Variants in SEPTIN11 observed in about 807,000 individuals in gnomAD.
The protein encoded by SEPTIN11 is septin-11.
A neutral mutation model predicts 51.4 loss-of-function variants in SEPTIN11; 25 were observed. That is an observed-to-expected ratio of 0.49 (90% confidence interval 0.35 to 0.68). The LOEUF is 0.68. Among genes scored for constraint, SEPTIN11 ranks in the 30% least tolerant of loss-of-function variants. SEPTIN11 has a pLI of 0.00. For missense variants in SEPTIN11, 381 were observed against 520.8 expected, an observed-to-expected ratio of 0.73 and a Z score of 2.61; for synonymous variants, 174 against 184.1, an observed-to-expected ratio of 0.95 and a Z score of 0.44.
At chr4:77,016,655 T>TATATACAC (rs1553975019) in intron 5 of SEPTIN11, among the ~76,000 whole-genome samples, 1 of 109,024 alleles carries the variant, frequency 9.2e-6, no homozygotes, top group African/African-American at 3.3e-5. Flanking sequence ...TATATATATA[T>TATATACAC]ACACATATAT....
At chr4:76,991,673 T>C (rs1034156056) in intron 1 of SEPTIN11, among the ~76,000 whole-genome samples, 1 of 152,196 alleles carries the variant, frequency 6.6e-6, no homozygotes, top group Non-Finnish European at 1.5e-5. Flanking sequence ...CCCCTGAATT[T>C]CCCTAGACAA....
chr4:76,962,894 C>G (rs754717829), intron 1 of SEPTIN11, among the ~76,000 whole-genome samples: 10 of 152,126 alleles, frequency 6.6e-5, no homozygotes, highest in Non-Finnish European at 1.5e-4. Flanking sequence ...CTCAATCTGT[C>G]CGGGAAGGAG....
intron 6 of SEPTIN11, among the ~76,000 whole-genome samples, chr4:77,019,628 C>T (rs1725552772): frequency 6.6e-6 from 1 of 152,144 alleles, no homozygotes; most frequent in African/African-American, 2.4e-5. Context: ...GTACTTTTTT[C>T]TCCATCAACT....
chr4:77,005,876 G>T, intron 3 of SEPTIN11, 80 bp downstream of exon 3: 1 of 1,349,850 alleles, frequency 7.4e-7, no homozygotes, highest in Non-Finnish European at 1.0e-6. Flanking sequence ...AAGGCCAAAT[G>T]TTTTGGGGAT....
chr4:76,979,704 T>A (rs1722669651), intron 1 of SEPTIN11, among the ~76,000 whole-genome samples: 1 of 151,952 alleles, frequency 6.6e-6, no homozygotes. Context: ...GCCAACATGA[T>A]GAAACCCCGT....
intron 4 of SEPTIN11, among the ~76,000 whole-genome samples, 174 bp from the exon 5 acceptor site, chr4:77,014,682 G>A (rs933090927): frequency 6.7e-6 from 1 of 149,302 alleles, no homozygotes; most frequent in African/African-American, 2.5e-5. Context: ...AAAATTGTAG[G>A]TACATAGGAG....
chr4:77,005,158 A>T lies in SEPTIN11; in HGVS notation c.143-443A>T, dbSNP rs183913514. 3.9e-3 allele frequency among the ~76,000 whole-genome samples: 591 copies of T among 152,328 alleles called. 3 individuals are homozygous for T. Among genetic ancestry groups the T allele is most frequent in the African/African-American group, 0.013 (549 of 41,578 alleles). On this transcript the variant is annotated intron_variant, in intron 2 of 9. Transcript: ENST00000264893. ...TTGATGTTGAATTAACTGATCTTTT[A>T]GGTAATTCAGTGTAAATGGAATCAC...
At chr4:77,006,158 C>A (rs1383057845) in intron 3 of SEPTIN11, among the ~76,000 whole-genome samples, 1 of 152,090 alleles carries the variant, frequency 6.6e-6, no homozygotes, top group Admixed American at 6.6e-5. Flanking sequence ...TTAGCAGAAA[C>A]CCCAGCCATC....
intron 1 of SEPTIN11, chr4:76,959,144 A>G (rs879109447): frequency 3.6e-6 from 2 of 556,714 alleles, no homozygotes; most frequent in Non-Finnish European, 6.9e-6. Flanking sequence ...CTGAAAAGCA[A>G]CCTTGCTCTT....
At chr4:76,964,022 C>T (rs1387246799) in intron 1 of SEPTIN11, among the ~76,000 whole-genome samples, 2 of 151,904 alleles carry the variant, frequency 1.3e-5, no homozygotes, top group African/African-American at 2.4e-5. Context: ...TCTCATTGTT[C>T]AATTCCTACC....
rs964525224 is a variant in SEPTIN11, at chr4:76,992,879, CAAG to C, written c.28-3541_28-3539del. On this transcript the variant is annotated intron_variant, in intron 1 of 9. Coordinates refer to ENST00000264893, the MANE Select transcript of SEPTIN11 (RefSeq NM_018243.4). ...GATGGGAAGAAACCTGGGTTTGTCCCAAGAAGAGTGGTCATTTAATTTAACTGC... is the reference window on the plus strand; with the variant it reads ...GATGGGAAGAAACCTGGGTTTGTCCCAAGAGTGGTCATTTAATTTAACTGC... 1.0e-3 allele frequency among the ~76,000 whole-genome samples: 152 copies of C among 152,264 alleles called. 2 individuals are homozygous for C. The highest frequency in any genetic ancestry group is 3.5e-3 in the African/African-American group (147 of 41,542).
At position 76,994,132 on chromosome 4, in the gene SEPTIN11, G is replaced by C. The variant is rs990488202; in HGVS notation, c.28-2293G>C. ...ATGTGGGATGATAGTTCTGCCCTGC[G>C]TTGTCTCTTTCATACCGTTCACGAA... On this transcript the variant is annotated intron_variant, in intron 1 of 9. Transcript: ENST00000264893. Among the ~76,000 whole-genome samples, 3 of 152,218 alleles carry C rather than the reference G, an allele frequency of 2.0e-5. No homozygotes were observed. The East Asian group carries it at 5.8e-4, about 29-fold the overall frequency.
intron 6 of SEPTIN11, 103 bp from the exon 7 acceptor site, chr4:77,020,399 A>C (rs1725616539): frequency 7.2e-7 from 1 of 1,385,828 alleles, no homozygotes. Context: ...GAGACCCCAG[A>C]GATTTCAGGA....
At chr4:76,961,894 T>C (rs564981324) in intron 1 of SEPTIN11, among the ~76,000 whole-genome samples, 1 of 152,346 alleles carries the variant, frequency 6.6e-6, no homozygotes, top group East Asian at 1.9e-4. Flanking sequence ...GTCAGTAGTT[T>C]GTTTTCAAAC....
At position 77,024,781 on chromosome 4, in the gene SEPTIN11, C is replaced by T. The variant is rs1219768314; in HGVS notation, c.954-3848C>T. ...CAAGGCAGCCTGGTCTCAGTCCTGG[C>T]TCTGTTACTTCTTTGTGGTGTGACC... is the stretch of plus-strand genomic sequence containing the variant. On this transcript the variant is annotated intron_variant, in intron 7 of 9. Transcript: ENST00000264893. This position sits in a 1 kb window ranked among gnomAD's most constrained non-coding sequence, Gnocchi z 4.2. Among the ~76,000 whole-genome samples the T allele has an allele frequency of 6.6e-6, 1 of 152,168 alleles. No homozygotes were observed. The highest frequency in any genetic ancestry group is 2.4e-5 in the African/African-American group (1 of 41,438).
chr4:77,038,177 C>T lies in SEPTIN11; in HGVS notation c.*3665C>T, dbSNP rs1292317696. ...ACACATTCTTTAGTGGGAATTAAGA[C>T]CTACAAAGTCTAGTTTGTATGTAGG... is the stretch of plus-strand genomic sequence containing the variant. On this transcript the variant is annotated 3_prime_UTR_variant, in exon 10 of 10. Transcript: ENST00000264893. 5.3e-5 allele frequency: 52 copies of T among 985,670 alleles called. No homozygotes were observed. Among genetic ancestry groups the T allele is most frequent in the Non-Finnish European group, 5.8e-5 (48 of 829,904 alleles). 61.1% of individuals were successfully genotyped at this position (985,670 alleles called of 1,614,324 possible).
intron 7 of SEPTIN11, among the ~76,000 whole-genome samples, chr4:77,022,786 T>G (rs531128500): frequency 3.9e-5 from 6 of 152,236 alleles, no homozygotes; most frequent in Non-Finnish European, 8.8e-5. Flanking sequence ...ATAGTTGTGT[T>G]TCTTTCAACT....
chr4:77,039,349 C>T (rs1160835575), downstream of SEPTIN11: 2 of 1,094,402 alleles, frequency 1.8e-6, no homozygotes, highest in Non-Finnish European at 2.2e-6. Context: ...TTGACTGAAA[C>T]AGAAAACGTG....
At chr4:77,032,295 T>C (rs1726709453) in intron 9 of SEPTIN11, 1 of 152,144 alleles carries the variant, frequency 6.6e-6, no homozygotes, top group Admixed American at 6.5e-5. Context: ...TTATTTGGAG[T>C]TGGCACAGAT....
Sources: allele counts gnomAD v4.1 joint callset (sites outside exome capture counted in the v4.1 genomes callset), GRCh38; gene constraint gnomAD v4.1.1; non-coding constraint Gnocchi (gnomAD v3.1); transcripts MANE v1.5; gene names NCBI Gene and HGNC (gene_info 2026-07-23, HGNC 2026-07-21).